Variants in SAMTOR observed in about 807,000 individuals in gnomAD.
The protein encoded by SAMTOR is UPF0532 protein C7orf60.
the SAMTOR span, chr7:112,895,479 G>A: frequency 1.1e-6 from 1 of 910,406 alleles, no homozygotes; most frequent in Middle Eastern, 2.8e-4. Flanking sequence ...GGAGGAGCAA[G>A]TAAACTGCTC....
chr7:112,865,894 A>C, the SAMTOR span, among the ~76,000 whole-genome samples: 2 of 150,464 alleles, frequency 1.3e-5, no homozygotes, highest in African/African-American at 4.9e-5. Flanking sequence ...CCAGGAGTCC[A>C]CTATGATGAG....
At chr7:112,910,089 C>T in the SAMTOR span, among the ~76,000 whole-genome samples, 54 of 151,452 alleles carry the variant, frequency 3.6e-4, 1 homozygote, top group South Asian at 2.1e-4. Flanking sequence ...TCACAGGTGA[C>T]GTAAAACACA....
chr7:112,858,664 A>G, the SAMTOR span, among the ~76,000 whole-genome samples: 1 of 152,188 alleles, frequency 6.6e-6, no homozygotes, highest in African/African-American at 2.4e-5. Context: ...TTTACTTGTG[A>G]AAGTGTATAT....
the SAMTOR span, among the ~76,000 whole-genome samples, chr7:112,917,496 G>GA: frequency 4.5e-4 from 68 of 152,234 alleles, no homozygotes; most frequent in African/African-American, 1.5e-3. Context: ...CAAAGATGGG[G>GA]AAAAAACAGA....
the SAMTOR span, among the ~76,000 whole-genome samples, chr7:112,876,022 G>T: frequency 1.3e-5 from 2 of 152,122 alleles, no homozygotes; most frequent in Non-Finnish European, 2.9e-5. Context: ...GTGCAGTGGT[G>T]CAATCTTAGC....
the SAMTOR span, among the ~76,000 whole-genome samples, chr7:112,836,685 G>A: frequency 5.5e-4 from 83 of 151,922 alleles, no homozygotes; most frequent in African/African-American, 1.8e-3. Context: ...TTCTGCATAT[G>A]GCTAGTTATC....
the SAMTOR span, among the ~76,000 whole-genome samples, chr7:112,823,386 T>G: frequency 6.6e-6 from 1 of 152,182 alleles, no homozygotes; most frequent in East Asian, 1.9e-4. Context: ...TATTCCCCTT[T>G]ATAGTCCCTT....
the SAMTOR span, chr7:112,895,721 G>T: frequency 6.4e-7 from 1 of 1,558,188 alleles, no homozygotes; most frequent in Middle Eastern, 1.7e-4. Context: ...CACCATTTTG[G>T]AAATATTCTC....
chr7:112,904,001 C>A, the SAMTOR span, among the ~76,000 whole-genome samples: 1 of 151,760 alleles, frequency 6.6e-6, no homozygotes, highest in African/African-American at 2.4e-5. Context: ...TAAAGGCATT[C>A]AATTCACTTC....
the SAMTOR span, among the ~76,000 whole-genome samples, chr7:112,933,375 A>G: frequency 3.3e-5 from 5 of 152,234 alleles, no homozygotes; most frequent in Non-Finnish European, 7.3e-5. Context: ...ACCAAAAGAT[A>G]GAAAACTAAT....
chr7:112,837,695 A>C, the SAMTOR span, among the ~76,000 whole-genome samples: 63 of 152,092 alleles, frequency 4.1e-4, no homozygotes, highest in African/African-American at 1.4e-3. Context: ...GTGTGTATAT[A>C]CAGTAAATTC....
the SAMTOR span, among the ~76,000 whole-genome samples, chr7:112,839,808 C>T: frequency 3.7e-4 from 56 of 151,736 alleles, no homozygotes; most frequent in South Asian, 2.1e-3. Flanking sequence ...TATATGCATA[C>T]GATACTATTA....
the SAMTOR span, among the ~76,000 whole-genome samples, chr7:112,873,019 T>A: frequency 6.6e-6 from 1 of 150,606 alleles, no homozygotes; most frequent in East Asian, 2.1e-4. Context: ...AGGTGAAAGA[T>A]CTCTGACAAA....
At chr7:112,927,785 T>A in the SAMTOR span, among the ~76,000 whole-genome samples, 7 of 152,088 alleles carry the variant, frequency 4.6e-5, no homozygotes, top group African/African-American at 1.7e-4. Flanking sequence ...AAAGTTCACA[T>A]TAACATGACT....
chr7:112,917,099 T>TG, the SAMTOR span, among the ~76,000 whole-genome samples: 1 of 152,204 alleles, frequency 6.6e-6, no homozygotes, highest in Non-Finnish European at 1.5e-5. Context: ...AAGAGAGCAG[T>TG]GGTTCTCCCA....
the SAMTOR span, among the ~76,000 whole-genome samples, chr7:112,920,016 A>C: frequency 6.6e-6 from 1 of 152,060 alleles, no homozygotes; most frequent in East Asian, 1.9e-4. Flanking sequence ...ATTCTACCAG[A>C]GGTACAAGGA....
At chr7:112,895,413 GT>G in the SAMTOR span, among the ~76,000 whole-genome samples, 1 of 152,134 alleles carries the variant, frequency 6.6e-6, no homozygotes, top group Non-Finnish European at 1.5e-5. Flanking sequence ...TTTTCTGCTA[GT>G]TTTTAATCTA....
At chr7:112,866,773 C>G in the SAMTOR span, among the ~76,000 whole-genome samples, 1 of 152,232 alleles carries the variant, frequency 6.6e-6, no homozygotes, top group African/African-American at 2.4e-5. Flanking sequence ...AACATAGACT[C>G]TGCCCAGGCC....
the SAMTOR span, chr7:112,915,582 C>CA: frequency 1.9e-6 from 1 of 527,606 alleles, no homozygotes; most frequent in Non-Finnish European, 2.9e-6. Flanking sequence ...AAATTTTAAA[C>CA]ATTTAAAATG....
Sources: allele counts gnomAD v4.1 joint callset (sites outside exome capture counted in the v4.1 genomes callset), GRCh38; gene constraint gnomAD v4.1.1; transcripts MANE v1.5; gene names NCBI Gene and HGNC (gene_info 2026-07-23, HGNC 2026-07-21).